GNL1: variants seen among roughly 807,000 people sequenced by gnomAD.
GNL1 encodes guanine nucleotide-binding protein-like 1.
GNL1 carries 21 observed loss-of-function variants against 75.2 expected under a neutral mutation model. The observed-to-expected ratio is 0.28, with a 90% CI of 0.20 to 0.40. The LOEUF (loss-of-function observed/expected upper bound fraction) is 0.40. Among genes scored for constraint, GNL1 ranks in the 10% least tolerant of loss-of-function variants. The pLI is 1.00. For synonymous variants in GNL1, 287 were observed against 303.4 expected (o/e 0.95, Z 0.56); for missense variants, 579 against 775.0 (o/e 0.75, Z 3.00).
rs1057312571 is a variant in GNL1, at chr6:30,555,546, C to G, written c.239+9G>C. The G allele has an allele frequency of 1.2e-6, 2 of 1,610,528 alleles. No homozygotes were observed. The highest frequency in any genetic ancestry group is 1.7e-6 in the Non-Finnish European group (2 of 1,177,762). On this transcript the variant is annotated intron_variant, in intron 2 of 11. Coordinates refer to ENST00000376621, the MANE Select transcript of GNL1 (RefSeq NM_005275.5). This position sits in a 1 kb window ranked among gnomAD's most constrained non-coding sequence, Gnocchi z 4.3. ...GAAAGCCGGGACCAGCGCCCCCTCC[C>G]ACCCTCACCGATTTGGGTCGTAGCC... is the stretch of plus-strand genomic sequence containing the variant.
chr6:30,555,762 A>G lies in GNL1; in HGVS notation c.74-42T>C. On this transcript the variant is annotated intron_variant, in intron 1 of 11. Coordinates refer to ENST00000376621, the MANE Select transcript of GNL1 (RefSeq NM_005275.5). The surrounding 1 kb of genome is among the most constrained non-coding windows in gnomAD (Gnocchi z 4.3). ...GTGACGCCAGTGCTGGCCAGCTCTCAGGGGCCATAAGACCCTCTCCCCCAT... is the reference window on the plus strand; with the variant it reads ...GTGACGCCAGTGCTGGCCAGCTCTCGGGGGCCATAAGACCCTCTCCCCCAT... 1 of 1,594,122 alleles carries G rather than the reference A, an allele frequency of 6.3e-7. No individual in the cohort carries two copies. Among genetic ancestry groups the G allele is most frequent in the Non-Finnish European group, 8.6e-7 (1 of 1,165,386 alleles).
In GNL1 at chr6:30,553,564, C is replaced by A; in HGVS notation, c.601-7G>T. On this transcript the variant is annotated splice_polypyrimidine_tract_variant and splice_region_variant and intron_variant, in intron 5 of 11. Coordinates refer to ENST00000376621, the MANE Select transcript of GNL1 (RefSeq NM_005275.5). Reference sequence around the variant, plus strand: ...CTGGCGGGAAATTCACAACCTAGGACAGAGTTGATAAGAGGATGGAGCAGT... The same window carrying A: ...CTGGCGGGAAATTCACAACCTAGGAAAGAGTTGATAAGAGGATGGAGCAGT... The A allele has an allele frequency of 1.2e-6, 2 of 1,602,358 alleles. No homozygotes were observed.
Position 30,544,500 on chromosome 6 carries a change from CTTTTCT to C in GNL1, c.*1566_*1571del, listed in dbSNP as rs1799343494. ...GTAAGCTTAGCTTGGGCCCCTTTTC[CTTTTCT>C]ATCAGTGAGGCCAAAGAGCCCCAGA... On this transcript the variant is annotated 3_prime_UTR_variant, in exon 12 of 12. Coordinates refer to ENST00000376621, the MANE Select transcript of GNL1 (RefSeq NM_005275.5). The C allele has an allele frequency of 6.6e-6, 1 of 152,176 alleles. No individual in the cohort carries two copies. The highest frequency in any genetic ancestry group is 1.5e-5 in the Non-Finnish European group (1 of 68,050). The allele number at this position is 152,176 out of a possible 1,614,324, so 9.4% of individuals were successfully genotyped here.
At position 30,541,397 on chromosome 6, in the gene GNL1, G is replaced by C. The variant is rs1799158947; in HGVS notation, c.*4675C>G. ...CAAACTTTGTTGTCTCTTCATTCAAGTTTGGCTTTAATATTTTATTAAAAA... is the reference window on the plus strand; with the variant it reads ...CAAACTTTGTTGTCTCTTCATTCAACTTTGGCTTTAATATTTTATTAAAAA... On this transcript the variant is annotated 3_prime_UTR_variant, in exon 12 of 12. Coordinates refer to ENST00000376621, the MANE Select transcript of GNL1 (RefSeq NM_005275.5). 1 of 152,034 alleles carries C rather than the reference G, an allele frequency of 6.6e-6. No homozygotes were observed. 9.4% of individuals were successfully genotyped at this position (152,034 alleles called of 1,614,324 possible).
rs1799533375 is a variant in GNL1, at chr6:30,547,599, A to G, written c.1100-69T>C. ...TGTGATGGGACTTGGTGCTATACCTATAGGTAAAAGGGGAACTAAGGCTCA... is the reference window on the plus strand; with the variant it reads ...TGTGATGGGACTTGGTGCTATACCTGTAGGTAAAAGGGGAACTAAGGCTCA... On this transcript the variant is annotated intron_variant, in intron 8 of 11. Transcript: ENST00000376621. This position sits in a 1 kb window ranked among gnomAD's most constrained non-coding sequence, Gnocchi z 5.5. 1.5e-6 allele frequency: 2 copies of G among 1,318,074 alleles called. No homozygotes were observed. Among genetic ancestry groups the G allele is most frequent in the Non-Finnish European group, 2.2e-6 (2 of 927,614 alleles). 81.6% of individuals were successfully genotyped at this position (1,318,074 alleles called of 1,614,324 possible).
At position 30,552,689 on chromosome 6, in the gene GNL1, G is replaced by C; in HGVS notation, c.905-28C>G. On this transcript the variant is annotated intron_variant, in intron 7 of 11. Coordinates refer to ENST00000376621, the MANE Select transcript of GNL1 (RefSeq NM_005275.5). The surrounding 1 kb of genome is among the most constrained non-coding windows in gnomAD (Gnocchi z 4.5). Reference sequence around the variant, plus strand: ...GCTCAAAGAAGGAGAAGATTAAAGAGGTTCTCCCCAGGGCTGCTGTGCATG... The same window carrying C: ...GCTCAAAGAAGGAGAAGATTAAAGACGTTCTCCCCAGGGCTGCTGTGCATG... 2 of 1,594,432 alleles carry C rather than the reference G, an allele frequency of 1.3e-6. No homozygotes were observed. The highest frequency in any genetic ancestry group is 1.1e-5 in the South Asian group (1 of 88,990).
At position 30,555,761 on chromosome 6, in the gene GNL1, C is replaced by T; in HGVS notation, c.74-41G>A. On this transcript the variant is annotated intron_variant, in intron 1 of 11. Transcript: ENST00000376621. This position sits in a 1 kb window ranked among gnomAD's most constrained non-coding sequence, Gnocchi z 4.3. ...GGTGACGCCAGTGCTGGCCAGCTCT[C>T]AGGGGCCATAAGACCCTCTCCCCCA... 1 of 1,601,528 alleles carries T rather than the reference C, an allele frequency of 6.2e-7. No individual in the cohort carries two copies. The highest frequency in any genetic ancestry group is 1.1e-5 in the South Asian group (1 of 90,310).
Position 30,546,039 on chromosome 6 carries a change from T to C in GNL1, c.*33A>G. ...CCCCAGGTCAGTCCAAAAGCAAAGATACTGGGAGGGAAGATGGCGCTGGGC... is the reference window on the plus strand; with the variant it reads ...CCCCAGGTCAGTCCAAAAGCAAAGACACTGGGAGGGAAGATGGCGCTGGGC... On this transcript the variant is annotated 3_prime_UTR_variant, in exon 12 of 12. Transcript: ENST00000376621. This position sits in a 1 kb window ranked among gnomAD's most constrained non-coding sequence, Gnocchi z 5.1. 1 of 1,524,644 alleles carries C rather than the reference T, an allele frequency of 6.6e-7. No homozygotes were observed. The highest frequency in any genetic ancestry group is 9.0e-7 in the Non-Finnish European group (1 of 1,110,086). The allele number at this position is 1,524,644 out of a possible 1,614,324, so 94.4% of individuals were successfully genotyped here. A position where few individuals can be genotyped will look rare whatever the true frequency, so the allele number is the denominator to read the frequency against.
rs147696882 is a variant in GNL1, at chr6:30,548,048, C to T, written c.1100-518G>A. Among the ~76,000 whole-genome samples, 45 of 152,146 alleles carry T rather than the reference C, an allele frequency of 3.0e-4. No homozygotes were observed. The highest frequency in any genetic ancestry group is 9.2e-4 in the African/African-American group (38 of 41,492). On this transcript the variant is annotated intron_variant, in intron 8 of 11. Coordinates refer to ENST00000376621, the MANE Select transcript of GNL1 (RefSeq NM_005275.5). This position sits in a 1 kb window ranked among gnomAD's most constrained non-coding sequence, Gnocchi z 4.2. ...AAAATTAGCTGGGCGTGGTGGTGGG[C>T]GCCTGTAATTGCAGCTACTTGGGAG...
rs1488917961 is a variant in GNL1 at position 30,548,268 on chromosome 6, G to C, written c.1100-738C>G. On this transcript the variant is annotated intron_variant, in intron 8 of 11. Transcript: ENST00000376621. The surrounding 1 kb of genome is among the most constrained non-coding windows in gnomAD (Gnocchi z 4.2). ...CCACTCTGCTCACTCACCACCACCA[G>C]TTTTTGTGTTTCTGGCTGACTTCAG... Among the ~76,000 whole-genome samples the C allele has an allele frequency of 3.3e-5, 5 of 152,078 alleles. No individual in the cohort carries two copies. The highest frequency in any genetic ancestry group is 7.4e-5 in the Non-Finnish European group (5 of 68,014).
chr6:30,546,095 G>C lies in GNL1; in HGVS notation c.1801C>G (p.Leu601Val), dbSNP rs1285732478. The C allele has an allele frequency of 6.3e-7, 1 of 1,586,836 alleles. No individual in the cohort carries two copies. Among genetic ancestry groups the C allele is most frequent in the African/African-American group, 1.3e-5 (1 of 74,378 alleles). The change falls in exon 12 of 12, where the codon CTG (leucine) becomes GTG (valine). Residue 601 changes from leucine to valine, a missense_variant. Transcript: ENST00000376621. This position sits in a 1 kb window ranked among gnomAD's most constrained non-coding sequence, Gnocchi z 5.1. ...SSLAGRNPYA[L>V]LGEDEC ...ACTCAGCACTCATCCTCACCCAGCA[G>C]GGCATAAGGGTTTCGGCCAGCCAGG...
Position 30,552,752 on chromosome 6 carries a change from G to T in GNL1, c.905-91C>A. The T allele has an allele frequency of 8.4e-7, 1 of 1,186,466 alleles. No homozygotes were observed. The allele number at this position is 1,186,466 out of a possible 1,614,324, so 73.5% of individuals were successfully genotyped here. On this transcript the variant is annotated intron_variant, in intron 7 of 11. Coordinates refer to ENST00000376621, the MANE Select transcript of GNL1 (RefSeq NM_005275.5). This position sits in a 1 kb window ranked among gnomAD's most constrained non-coding sequence, Gnocchi z 4.5. ...GTGCCCTGCACAGATTATGTAACTG[G>T]CACCCTCTGGAGTTGTACAGTGCCA...
rs1799838132 is a variant in GNL1 at position 30,552,367 on chromosome 6, C to A, written c.1099+100G>T. On this transcript the variant is annotated intron_variant, in intron 8 of 11. Transcript: ENST00000376621. This position sits in a 1 kb window ranked among gnomAD's most constrained non-coding sequence, Gnocchi z 4.5. ...ACTGGCAGAGATCACCCCTCAGACA[C>A]CCTGGGGCCTAATGAGACCTGATCG... is the stretch of plus-strand genomic sequence containing the variant. The A allele has an allele frequency of 2.0e-6, 2 of 996,130 alleles. No homozygotes were observed. Among genetic ancestry groups the A allele is most frequent in the Admixed American group, 2.2e-5 (1 of 46,172 alleles). 61.7% of individuals were successfully genotyped at this position (996,130 alleles called of 1,614,324 possible). A position where few individuals can be genotyped will look rare whatever the true frequency, so the allele number is the denominator to read the frequency against.
At position 30,552,232 on chromosome 6, in the gene GNL1, G is replaced by A. The variant is rs1428158699; in HGVS notation, c.1099+235C>T. ...AAAATCAAAGTAACTAAGACTCAGAGTAGCAAAATCACTTACTCAAGACCT... is the reference window on the plus strand; with the variant it reads ...AAAATCAAAGTAACTAAGACTCAGAATAGCAAAATCACTTACTCAAGACCT... On this transcript the variant is annotated intron_variant, in intron 8 of 11. Transcript: ENST00000376621. The surrounding 1 kb of genome is among the most constrained non-coding windows in gnomAD (Gnocchi z 4.5). The A allele has an allele frequency of 2.1e-6, 1 of 487,728 alleles. No homozygotes were observed. 30.2% of individuals were successfully genotyped at this position (487,728 alleles called of 1,614,324 possible). A position where few individuals can be genotyped will look rare whatever the true frequency, so the allele number is the denominator to read the frequency against.
At chr6:30,553,703 A>T (rs1310144249) in intron 5 of GNL1, 146 bp from the exon 6 acceptor site, 3 of 630,248 alleles carry the variant, frequency 4.8e-6, no homozygotes, top group Non-Finnish European at 8.5e-6. Flanking sequence ...AGACAAACTG[A>T]AAAACAAAGA....
At chr6:30,551,999 A>T (rs1009885960) in intron 8 of GNL1, among the ~76,000 whole-genome samples, 3 of 152,046 alleles carry the variant, frequency 2.0e-5, no homozygotes, top group African/African-American at 7.2e-5. Context: ...AGTAGCAGAG[A>T]CTACAGGCAC....
In GNL1 at chr6:30,554,922, A is replaced by G. The variant is rs1478855197; in HGVS notation, c.377-7T>C. The G allele has an allele frequency of 6.2e-7, 1 of 1,612,688 alleles. No individual in the cohort carries two copies. Among genetic ancestry groups the G allele is most frequent in the African/African-American group, 1.3e-5 (1 of 74,902 alleles). ...CGTCGAGGAAAGTCCAGAACTGGGAATTCAGGAAAAAGTCCAAGTGTGAGG... is the reference window on the plus strand; with the variant it reads ...CGTCGAGGAAAGTCCAGAACTGGGAGTTCAGGAAAAAGTCCAAGTGTGAGG... On this transcript the variant is annotated splice_region_variant and splice_polypyrimidine_tract_variant and intron_variant, in intron 3 of 11. Transcript: ENST00000376621.
intron 8 of GNL1, among the ~76,000 whole-genome samples, chr6:30,549,445 T>C (rs1206934647): frequency 6.6e-6 from 1 of 152,224 alleles, no homozygotes; most frequent in Non-Finnish European, 1.5e-5. Context: ...TCAAACTTGA[T>C]AGAACTGAAA....
rs780822937 is a variant in GNL1, at chr6:30,552,516, G to A, written c.1050C>T (p.Gly350=). The part of the protein sequence containing the change: ...QQTDSAMEPT[G]PTQERYKDGV... ...CATCCTTGTAGCGCTCTTGGGTTGG[G>A]CCAGTTGGCTCCATTGCTGAATCAG... is the stretch of plus-strand genomic sequence containing the variant. The change falls in exon 8 of 12, where the codon GGC becomes GGT. Residue 350 remains glycine (G), a synonymous_variant. Coordinates refer to ENST00000376621, the MANE Select transcript of GNL1 (RefSeq NM_005275.5). This position sits in a 1 kb window ranked among gnomAD's most constrained non-coding sequence, Gnocchi z 4.5. 1 of 1,614,106 alleles carries A rather than the reference G, an allele frequency of 6.2e-7. No individual in the cohort carries two copies. Among genetic ancestry groups the A allele is most frequent in the African/African-American group, 1.3e-5 (1 of 75,032 alleles).
Sources: gnomAD v4.1 joint callset for allele counts (sites outside exome capture counted in the v4.1 genomes callset) on GRCh38, gnomAD v4.1.1 for gene constraint, Gnocchi (gnomAD v3.1) non-coding constraint, MANE v1.5 for transcripts, NCBI Gene and HGNC (gene_info 2026-07-23, HGNC 2026-07-21) for gene names.